TSGA10: variants seen among roughly 807,000 people sequenced by gnomAD.
TSGA10 encodes the protein testis-specific gene 10 protein.
TSGA10 carries 43 observed loss-of-function variants against 96.6 expected under a neutral mutation model. The observed-to-expected ratio is 0.44, with a 90% CI of 0.35 to 0.57. The LOEUF (loss-of-function observed/expected upper bound fraction) is 0.57, where lower values mean the gene tolerates loss of function less well. TSGA10 is among the 20% of genes least tolerant of loss of function. The pLI, the probability that TSGA10 is intolerant of heterozygous loss-of-function variation, is 0.01. For synonymous variants in TSGA10, 229 were observed against 269.9 expected (o/e 0.85, Z 1.48); for missense variants, 703 against 834.4 (o/e 0.84, Z 1.94).
intron 1 of TSGA10, chr2:99,147,436 A>AAAG: frequency 6.2e-7 from 1 of 1,613,110 alleles, no homozygotes; most frequent in South Asian, 1.1e-5. Context: ...ATGCCAGTCC[A>AAAG]AAGAGGCCCC....
chr2:99,040,054 A>T (rs1418014409), intron 16 of TSGA10, among the ~76,000 whole-genome samples: 1 of 152,102 alleles, frequency 6.6e-6, no homozygotes, highest in African/African-American at 2.4e-5. Context: ...GACAAAACAT[A>T]TGACAAACTC....
At chr2:99,000,004 C>T (rs1405608983) in intron 20 of TSGA10, among the ~76,000 whole-genome samples, 1 of 152,350 alleles carries the variant, frequency 6.6e-6, no homozygotes, top group East Asian at 1.9e-4. Context: ...GATCTGTCTG[C>T]CTCAGTCTCC....
chr2:99,146,587 C>T (rs951690966), intron 1 of TSGA10, among the ~76,000 whole-genome samples: 9 of 152,150 alleles, frequency 5.9e-5, no homozygotes, highest in African/African-American at 2.2e-4. Flanking sequence ...ATTGCATTTA[C>T]AGTTCTGCCA....
rs1173356538 is a variant in TSGA10 at position 99,078,805 on chromosome 2, T to C, written c.736A>G (p.Thr246Ala). The C allele has an allele frequency of 6.2e-7, 1 of 1,610,844 alleles. No individual in the cohort carries two copies. Among genetic ancestry groups the C allele is most frequent in the Non-Finnish European group, 8.5e-7 (1 of 1,179,282 alleles). ...TCTCGCTGTGCAATATTTTGCCTTG[T>C]AAAGTTATCTATGTATGCAATCATA... Reference protein sequence around the residue: ...MCLDEKIDNFTRQNIAQREEI... With the variant: ...MCLDEKIDNFARQNIAQREEI... The change falls in exon 12 of 21, where the codon ACA (threonine) becomes GCA (alanine). Residue 246 changes from threonine (T) to alanine (A), a missense_variant. This residue lies in a region of TSGA10 where 585 missense variants were observed against 656.8 expected (regional missense o/e 0.89). Coordinates refer to ENST00000393483, the MANE Select transcript of TSGA10 (RefSeq NM_025244.4).
chr2:99,140,481 G>GA (rs537635393), intron 1 of TSGA10, among the ~76,000 whole-genome samples: 43 of 137,854 alleles, frequency 3.1e-4, no homozygotes, highest in South Asian at 1.6e-3. Flanking sequence ...CCGAAGCTGC[G>GA]AAAAAAAAAA....
At chr2:99,133,781 G>A (rs2093209492) in intron 1 of TSGA10, among the ~76,000 whole-genome samples, 1 of 152,126 alleles carries the variant, frequency 6.6e-6, no homozygotes, top group African/African-American at 2.4e-5. Context: ...CAGGTCTGGT[G>A]GTGACAAAAT....
At chr2:99,017,989 CAG>C (rs1466820498) in intron 20 of TSGA10, among the ~76,000 whole-genome samples, 1 of 151,922 alleles carries the variant, frequency 6.6e-6, no homozygotes, top group African/African-American at 2.4e-5. Flanking sequence ...TTTATGCAAA[CAG>C]ATAAAATATT....
At chr2:99,028,441 C>A (rs1455179898) in intron 17 of TSGA10, among the ~76,000 whole-genome samples, 1 of 152,162 alleles carries the variant, frequency 6.6e-6, no homozygotes, top group African/African-American at 2.4e-5. Flanking sequence ...TATCCATCAC[C>A]TCTCAACTAG....
rs775577190 is a variant in TSGA10, at chr2:99,141,145, C to T, written c.-621+13548G>A. The T allele has an allele frequency of 2.4e-4, 306 of 1,271,726 alleles. 3 individuals are homozygous for T. The South Asian group carries it at 3.7e-3, about 15-fold the overall frequency. The allele number at this position is 1,271,726 out of a possible 1,614,324, so 78.8% of individuals were successfully genotyped here. ...CCGTCCTGCCCAGAGCTCATCCCCG[C>T]GACTGTCAGCTCTCGGCCTCAGCGG... On this transcript the variant is annotated intron_variant, in intron 1 of 20. Transcript: ENST00000393483.
chr2:99,014,627 A>G (rs1376180862), intron 20 of TSGA10, among the ~76,000 whole-genome samples: 3 of 152,132 alleles, frequency 2.0e-5, no homozygotes, highest in Non-Finnish European at 4.4e-5. Flanking sequence ...GCAGAAGAAA[A>G]GAAATAACAA....
chr2:99,125,154 T>G (rs1214581161), intron 2 of TSGA10: 1 of 152,200 alleles, frequency 6.6e-6, no homozygotes, highest in Non-Finnish European at 1.5e-5. Context: ...CTTTTCAGCT[T>G]TGTAACATGT....
intron 2 of TSGA10, 24 bp from the exon 3 acceptor site, chr2:99,118,710 A>C: frequency 1.0e-6 from 1 of 977,612 alleles, no homozygotes. Context: ...AAAAAATTAG[A>C]CCCATTGAAC....
chr2:99,138,958 G>A (rs1235232435), intron 1 of TSGA10, among the ~76,000 whole-genome samples: 2 of 152,146 alleles, frequency 1.3e-5, no homozygotes, highest in Non-Finnish European at 2.9e-5. Context: ...ACACAAGAAA[G>A]ACAAAAGCAA....
intron 20 of TSGA10, among the ~76,000 whole-genome samples, chr2:99,000,161 C>A (rs1485096607): frequency 6.6e-6 from 1 of 152,048 alleles, no homozygotes; most frequent in Admixed American, 6.5e-5. Context: ...TACCTGAGGT[C>A]AGGAGTTTGA....
At chr2:99,078,058 T>G (rs1235468070) in intron 12 of TSGA10, among the ~76,000 whole-genome samples, 3 of 147,550 alleles carry the variant, frequency 2.0e-5, no homozygotes, top group Non-Finnish European at 3.0e-5. Flanking sequence ...GATCACGAGG[T>G]CAGGAGATTG....
chr2:99,124,738 C>T (rs2092739436), intron 2 of TSGA10: 1 of 152,144 alleles, frequency 6.6e-6, no homozygotes, highest in Admixed American at 6.5e-5. Context: ...GCACCCACCA[C>T]CATGCCCGGC....
intron 2 of TSGA10, among the ~76,000 whole-genome samples, chr2:99,122,337 A>T (rs1259917116): frequency 6.6e-6 from 1 of 152,150 alleles, no homozygotes; most frequent in African/African-American, 2.4e-5. Flanking sequence ...AGAACTTATC[A>T]TAGCCTACAT....
intron 2 of TSGA10, among the ~76,000 whole-genome samples, chr2:99,119,934 T>TGTTTCTCAGCAACAAGAGCACA (rs2092483619): frequency 6.6e-6 from 1 of 152,332 alleles, no homozygotes; most frequent in South Asian, 2.1e-4. Context: ...TCCTATGCCA[T>TGTTTCTCAGCAACAAGAGCACA]GTTTCTCAGC....
rs139210545 is a variant in TSGA10 at position 99,084,475 on chromosome 2, A to G, written c.612-3078T>C. ...TGCTCCTGCCCTTGTCATGTGATGC[A>G]CTGGCTCCCCCTTTGCTTTCCACCA... On this transcript the variant is annotated intron_variant, in intron 10 of 20. Coordinates refer to ENST00000393483, the MANE Select transcript of TSGA10 (RefSeq NM_025244.4). 5.8e-3 allele frequency among the ~76,000 whole-genome samples: 884 copies of G among 152,284 alleles called. 10 individuals carry two copies. The highest frequency in any genetic ancestry group is 0.02 in the African/African-American group (847 of 41,548).
Sources: gnomAD v4.1 joint callset for allele counts (sites outside exome capture counted in the v4.1 genomes callset) on GRCh38, gnomAD v4.1.1 for gene constraint, gnomAD v4.1.1 regional missense constraint, MANE v1.5 for transcripts, NCBI Gene and HGNC (gene_info 2026-07-23, HGNC 2026-07-21) for gene names.